Variants in ARRB1 observed in about 807,000 individuals in gnomAD.
The protein encoded by ARRB1 is beta-arrestin-1.
In ARRB1, 21 loss-of-function variants were observed where a neutral mutation model predicts 56.8. The observed-to-expected ratio is 0.37, with a 90% CI of 0.26 to 0.53. The LOEUF (loss-of-function observed/expected upper bound fraction) is 0.53, where lower values mean the gene tolerates loss of function less well. Ranked by LOEUF, ARRB1 falls within the 20% of genes least tolerant of loss-of-function variation. ARRB1 has a pLI of 0.88. For missense variants in ARRB1, 424 were observed against 553.7 expected, an observed-to-expected ratio of 0.77 and a Z score of 2.35; for synonymous variants, 210 against 218.6, an observed-to-expected ratio of 0.96 and a Z score of 0.35.
chr11:75,314,751 G>A (rs1947233761), intron 1 of ARRB1, among the ~76,000 whole-genome samples: 1 of 152,102 alleles, frequency 6.6e-6, no homozygotes, highest in African/African-American at 2.4e-5. Flanking sequence ...ACAGGCATGT[G>A]CCACACCACC....
intron 1 of ARRB1, among the ~76,000 whole-genome samples, chr11:75,327,301 C>CAAAA (rs777940901): frequency 1.0e-4 from 6 of 60,178 alleles, no homozygotes; most frequent in Admixed American, 6.6e-4. Flanking sequence ...AACTCCATCT[C>CAAAA]AAAAAAAAAA....
At chr11:75,276,753 C>T in intron 10 of ARRB1, 86 bp downstream of exon 10, 1 of 1,384,534 alleles carries the variant, frequency 7.2e-7, no homozygotes, top group Non-Finnish European at 1.0e-6. Flanking sequence ...TGGAGAAGAG[C>T]CACCTGGACC....
intron 1 of ARRB1, chr11:75,306,494 G>A: frequency 1.2e-6 from 1 of 861,206 alleles, no homozygotes; most frequent in Non-Finnish European, 1.7e-6. Flanking sequence ...AAGAAATCAT[G>A]TAAATCCCAG....
At chr11:75,312,018 G>A (rs1332944277) in intron 1 of ARRB1, 26 of 1,285,346 alleles carry the variant, frequency 2.0e-5, no homozygotes, top group African/African-American at 1.1e-4. Context: ...GGCCCAGATC[G>A]GAGGCCCTGC....
At position 75,324,576 on chromosome 11, in the gene ARRB1, T is replaced by C. The variant is rs541703056; in HGVS notation, c.20+27012A>G. Among the ~76,000 whole-genome samples the C allele has an allele frequency of 2.3e-3, 347 of 152,246 alleles. 2 individuals are homozygous for C. Among genetic ancestry groups the C allele is most frequent in the Non-Finnish European group, 3.6e-3 (243 of 68,004 alleles). On this transcript the variant is annotated intron_variant, in intron 1 of 15. Coordinates refer to ENST00000420843, the MANE Select transcript of ARRB1 (RefSeq NM_004041.5). ...CCAAAGAAGCCCTCCCTGATCACCGTTGCCGAGCCCTGGAGGCCTGGGGAG... is the reference window on the plus strand; with the variant it reads ...CCAAAGAAGCCCTCCCTGATCACCGCTGCCGAGCCCTGGAGGCCTGGGGAG...
intron 1 of ARRB1, among the ~76,000 whole-genome samples, chr11:75,319,670 G>T (rs1434688063): frequency 6.6e-6 from 1 of 152,308 alleles, no homozygotes; most frequent in South Asian, 2.1e-4. Flanking sequence ...CACAGTGCAA[G>T]GTGCTAAGGC....
chr11:75,291,718 T>C (rs1300676214), intron 1 of ARRB1, among the ~76,000 whole-genome samples: 2 of 151,812 alleles, frequency 1.3e-5, no homozygotes, highest in Non-Finnish European at 2.9e-5. Flanking sequence ...GAGAGGGGGT[T>C]GGGGAAGAGA....
chr11:75,313,259 G>A (rs550037678), intron 1 of ARRB1, among the ~76,000 whole-genome samples: 6 of 152,346 alleles, frequency 3.9e-5, no homozygotes, highest in Non-Finnish European at 8.8e-5. Context: ...GCTGAGGCAG[G>A]AGAATTGCTT....
chr11:75,287,426 C>T (rs1452581524), intron 2 of ARRB1, 51 bp from the exon 3 acceptor site: 1 of 1,538,308 alleles, frequency 6.5e-7, no homozygotes, highest in Non-Finnish European at 8.8e-7. Flanking sequence ...CCAGAGGACA[C>T]AGGACCCTGT....
intron 1 of ARRB1, among the ~76,000 whole-genome samples, chr11:75,315,810 C>A (rs1947254859): frequency 6.6e-6 from 1 of 152,078 alleles, no homozygotes; most frequent in African/African-American, 2.4e-5. Flanking sequence ...ACACTGTGGA[C>A]CCCCACAAAC....
At chr11:75,289,227 G>A (rs771121460) in intron 2 of ARRB1, among the ~76,000 whole-genome samples, 1 of 152,178 alleles carries the variant, frequency 6.6e-6, no homozygotes, top group East Asian at 1.9e-4. Context: ...CTCAGCCTCA[G>A]CCTCTCTCTT....
At chr11:75,298,274 G>C (rs370122152) in intron 1 of ARRB1, among the ~76,000 whole-genome samples, 1 of 150,822 alleles carries the variant, frequency 6.6e-6, no homozygotes, top group East Asian at 1.9e-4. Context: ...CCACTGAATG[G>C]AGCAAATATT....
intron 3 of ARRB1, among the ~76,000 whole-genome samples, chr11:75,285,699 A>T (rs1327903346): frequency 6.6e-6 from 1 of 152,154 alleles, no homozygotes; most frequent in Non-Finnish European, 1.5e-5. Flanking sequence ...CGGGGATACC[A>T]GGGCTCACAA....
At chr11:75,276,966 G>C in intron 9 of ARRB1, 55 bp from the exon 10 acceptor site, 2 of 1,571,204 alleles carry the variant, frequency 1.3e-6, no homozygotes, top group South Asian at 1.1e-5. Context: ...CTCCCATGGA[G>C]TCTCACAGGC....
intron 1 of ARRB1, among the ~76,000 whole-genome samples, chr11:75,315,767 T>A (rs1033612957): frequency 2.0e-5 from 3 of 152,032 alleles, no homozygotes. Flanking sequence ...CATCAGACCA[T>A]CCACCAGGAT....
At position 75,336,137 on chromosome 11, in the gene ARRB1, G is replaced by A. The variant is rs538292207; in HGVS notation, c.20+15451C>T. ...AGCTCAGAAGGCAGTGGGCAGGCAC[G>A]CTGAGACTCAGTAGGTTGAGGAAGA... On this transcript the variant is annotated intron_variant, in intron 1 of 15. Transcript: ENST00000420843. 2.3e-4 allele frequency among the ~76,000 whole-genome samples: 35 copies of A among 152,304 alleles called. No individual in the cohort carries two copies. The South Asian group carries it at 6.8e-3, about 30-fold the overall frequency.
intron 1 of ARRB1, among the ~76,000 whole-genome samples, chr11:75,307,869 T>C (rs1947066024): frequency 1.3e-5 from 2 of 152,184 alleles, no homozygotes. Context: ...GACAAGAGGA[T>C]CCCAGGACAG....
chr11:75,301,142 C>CAA (rs1358825736), intron 1 of ARRB1, among the ~76,000 whole-genome samples: 2 of 78,604 alleles, frequency 2.5e-5, no homozygotes, highest in Non-Finnish European at 2.7e-5. Flanking sequence ...GACTCCATCT[C>CAA]AAAAAAAAAA....
intron 1 of ARRB1, among the ~76,000 whole-genome samples, chr11:75,342,593 G>C (rs1343887650): frequency 6.6e-6 from 1 of 152,136 alleles, no homozygotes; most frequent in Non-Finnish European, 1.5e-5. Context: ...ACACTGGAGG[G>C]ACTGCAGCCA....
Sources: gnomAD v4.1 joint callset for allele counts (sites outside exome capture counted in the v4.1 genomes callset) on GRCh38, gnomAD v4.1.1 for gene constraint, MANE v1.5 for transcripts, NCBI Gene and HGNC (gene_info 2026-07-23, HGNC 2026-07-21) for gene names.